Variants in TLL2 observed in about 807,000 individuals in gnomAD.
The protein encoded by TLL2 is tolloid like 2, also known as tolloid-like protein 2.
TLL2 carries 106 observed loss-of-function variants against 123.0 expected under a neutral mutation model. The ratio of observed to expected loss-of-function variants is 0.86; its 90% CI spans 0.74 to 1.01. The LOEUF is 1.01. TLL2 is among the 50% of genes least tolerant of loss of function. The pLI is 0.00. For synonymous variants in TLL2, 494 were observed against 516.8 expected (o/e 0.96, Z 0.60); for missense variants, 1,332 against 1,336.7 (o/e 1.00, Z 0.06).
At chr10:96,403,831 A>G (rs182602553) in intron 10 of TLL2, among the ~76,000 whole-genome samples, 3,015 of 151,406 alleles carry the variant, frequency 0.02, 41 homozygotes, top group Non-Finnish European at 0.026. Context: ...ATTCTGAGAT[A>G]GGAGAAAAAC....
chr10:96,438,789 G>T (rs1010194462), intron 3 of TLL2, among the ~76,000 whole-genome samples: 1 of 152,092 alleles, frequency 6.6e-6, no homozygotes, highest in Non-Finnish European at 1.5e-5. Context: ...TAAGCTGTAG[G>T]TTTTTTTCTA....
chr10:96,383,878 G>T (rs145650657), intron 16 of TLL2, among the ~76,000 whole-genome samples: 1 of 151,116 alleles, frequency 6.6e-6, no homozygotes, highest in Non-Finnish European at 1.5e-5. Flanking sequence ...TGATCTGCCC[G>T]CCTCGGCCTC....
rs1476962671 is a variant in TLL2 at position 96,458,264 on chromosome 10, C to A, written c.287-12096G>T. On this transcript the variant is annotated intron_variant, in intron 2 of 20. Coordinates refer to ENST00000357947, the MANE Select transcript of TLL2 (RefSeq NM_012465.4). The stretch of plus-strand genomic sequence containing the variant: ...CCTTCCTCTACTCTCAGAGACCTGA[C>A]AAAGGCACCCACTTGGCCATTCTTC... 2.0e-5 allele frequency among the ~76,000 whole-genome samples: 3 copies of A among 152,110 alleles called. No individual in the cohort carries two copies. The South Asian group carries it at 6.2e-4, about 32-fold the overall frequency.
rs1032972322 is a variant in TLL2, at chr10:96,367,365, C to A, written c.*723G>T. On this transcript the variant is annotated 3_prime_UTR_variant, in exon 21 of 21. Transcript: ENST00000357947. ...TTGTCTTCTCAGCAGACAGGACTCT[C>A]GCCAGCAAATGTTCTGCTGTATTCA... 1 of 152,198 alleles carries A rather than the reference C, an allele frequency of 6.6e-6. No individual in the cohort carries two copies. The highest frequency in any genetic ancestry group is 2.1e-4 in the South Asian group (1 of 4,834). 9.4% of individuals were successfully genotyped at this position (152,198 alleles called of 1,614,324 possible).
intron 3 of TLL2, among the ~76,000 whole-genome samples, chr10:96,444,420 T>G (rs1846876458): frequency 6.6e-6 from 1 of 152,220 alleles, no homozygotes; most frequent in Non-Finnish European, 1.5e-5. Context: ...TTATAACTAG[T>G]GCCTTGGAGG....
intron 1 of TLL2, among the ~76,000 whole-genome samples, chr10:96,483,946 G>A (rs1346392016): frequency 8.5e-5 from 13 of 152,158 alleles, no homozygotes; most frequent in Admixed American, 3.9e-4. Context: ...AGATTCAAGC[G>A]ATTCTCGTTC....
At chr10:96,414,646 C>T (rs1457053970) in intron 7 of TLL2, among the ~76,000 whole-genome samples, 1 of 152,174 alleles carries the variant, frequency 6.6e-6, no homozygotes, top group Non-Finnish European at 1.5e-5. Flanking sequence ...CTGTTTCCAG[C>T]CCAGGATCCT....
rs904211813 is a variant in TLL2, at chr10:96,370,370, C to T, written c.2663-55G>A. 9 of 1,495,648 alleles carry T rather than the reference C, an allele frequency of 6.0e-6. No individual in the cohort carries two copies. The African/African-American group carries it at 7.1e-5, about 12-fold the overall frequency. The allele number at this position is 1,495,648 out of a possible 1,614,324, so 92.6% of individuals were successfully genotyped here. ...CAGCACAAGACACCCTCGTGCCTCCCGCCTGCGTCTGCTCGGCTTTCTCTA... is the reference window on the plus strand; with the variant it reads ...CAGCACAAGACACCCTCGTGCCTCCTGCCTGCGTCTGCTCGGCTTTCTCTA... On this transcript the variant is annotated intron_variant, in intron 19 of 20. Coordinates refer to ENST00000357947, the MANE Select transcript of TLL2 (RefSeq NM_012465.4).
rs115334328 is a variant in TLL2 at position 96,404,696 on chromosome 10, T to A, written c.1267+536A>T. Among the ~76,000 whole-genome samples, 515 of 152,300 alleles carry A rather than the reference T, an allele frequency of 3.4e-3. 4 individuals are homozygous for A. Among genetic ancestry groups the A allele is most frequent in the African/African-American group, 0.012 (493 of 41,554 alleles). On this transcript the variant is annotated intron_variant, in intron 10 of 20. Coordinates refer to ENST00000357947, the MANE Select transcript of TLL2 (RefSeq NM_012465.4). ...CATTTACATGTTATCCTTGAAGCCA[T>A]CTACATTTGCAATGCCTGCATTATA...
chr10:96,380,585 C>T lies in TLL2; in HGVS notation c.2195-1493G>A, dbSNP rs561543540. Among the ~76,000 whole-genome samples the T allele has an allele frequency of 1.9e-3, 285 of 149,642 alleles. 2 individuals carry two copies. Among genetic ancestry groups the T allele is most frequent in the African/African-American group, 6.8e-3 (277 of 40,814 alleles). ...GCGGGCGCCTGTAGTCCCAGCTACT[C>T]GGGAGGCTGAGGCAGGAGAATGGCA... is the stretch of plus-strand genomic sequence containing the variant. On this transcript the variant is annotated intron_variant, in intron 16 of 20. Coordinates refer to ENST00000357947, the MANE Select transcript of TLL2 (RefSeq NM_012465.4).
intron 9 of TLL2, among the ~76,000 whole-genome samples, chr10:96,406,035 G>T (rs1325971772): frequency 6.6e-6 from 1 of 152,160 alleles, no homozygotes; most frequent in African/African-American, 2.4e-5. Flanking sequence ...TTGTCATGAG[G>T]AGCATCTTGG....
At chr10:96,415,372 T>C (rs1471219208) in intron 7 of TLL2, among the ~76,000 whole-genome samples, 1 of 152,132 alleles carries the variant, frequency 6.6e-6, no homozygotes, top group East Asian at 1.9e-4. Flanking sequence ...CTTTCTCTAT[T>C]AAAAGTCTTC....
chr10:96,420,039 TC>T (rs1846603979), intron 7 of TLL2, among the ~76,000 whole-genome samples: 1 of 152,204 alleles, frequency 6.6e-6, no homozygotes, highest in South Asian at 2.1e-4. Context: ...CCTTCTCCTT[TC>T]CCCCAGTTTT....
At chr10:96,415,627 A>G (rs1846548277) in intron 7 of TLL2, among the ~76,000 whole-genome samples, 1 of 150,272 alleles carries the variant, frequency 6.7e-6, no homozygotes, top group Non-Finnish European at 1.5e-5. Flanking sequence ...AGGATAAAGC[A>G]CTGTCTTTTA....
intron 8 of TLL2, among the ~76,000 whole-genome samples, chr10:96,412,708 T>C (rs1400302224): frequency 6.6e-6 from 1 of 152,180 alleles, no homozygotes; most frequent in Non-Finnish European, 1.5e-5. Context: ...TTAATAGCAC[T>C]GAGACTCCCT....
At chr10:96,480,802 G>A (rs1847305839) in intron 1 of TLL2, among the ~76,000 whole-genome samples, 1 of 152,246 alleles carries the variant, frequency 6.6e-6, no homozygotes, top group African/African-American at 2.4e-5. Flanking sequence ...TCCCCAAGAT[G>A]TAGAAGAAAA....
chr10:96,423,391 G>A (rs1846645790), intron 5 of TLL2, among the ~76,000 whole-genome samples: 1 of 152,174 alleles, frequency 6.6e-6, no homozygotes, highest in South Asian at 2.1e-4. Context: ...AGAGTCACGG[G>A]AAGGAGGCAG....
chr10:96,416,306 G>A (rs2134073010), intron 7 of TLL2, among the ~76,000 whole-genome samples: 1 of 152,342 alleles, frequency 6.6e-6, no homozygotes, highest in Admixed American at 6.5e-5. Flanking sequence ...GACTTTGCCA[G>A]CGGGCCTGGG....
intron 7 of TLL2, among the ~76,000 whole-genome samples, chr10:96,418,880 A>G (rs1359976594): frequency 6.6e-6 from 1 of 151,020 alleles, no homozygotes; most frequent in Non-Finnish European, 1.5e-5. Context: ...TAGATAAATT[A>G]AAAAGCAATA....
Sources: gnomAD v4.1 joint callset for allele counts (sites outside exome capture counted in the v4.1 genomes callset) on GRCh38, gnomAD v4.1.1 for gene constraint, MANE v1.5 for transcripts, NCBI Gene and HGNC (gene_info 2026-07-23, HGNC 2026-07-21) for gene names.